Variants in KCNQ1 observed in about 807,000 individuals in gnomAD.
KCNQ1 encodes potassium voltage-gated channel subfamily KQT member 1.
In KCNQ1, 49 loss-of-function variants were observed where a neutral mutation model predicts 72.4. That is an observed-to-expected ratio of 0.68 (90% CI 0.54 to 0.86). The LOEUF (loss-of-function observed/expected upper bound fraction) is 0.86, where lower values mean the gene tolerates loss of function less well. KCNQ1 is among the 40% of genes least tolerant of loss of function. The pLI, the probability that KCNQ1 is intolerant of heterozygous loss-of-function variation, is 0.00. For synonymous variants in KCNQ1, 450 were observed against 412.6 expected, an observed-to-expected ratio of 1.09 and a Z score of -1.10; for missense variants, 790 against 945.1, an observed-to-expected ratio of 0.84 and a Z score of 2.15.
chr11:2,670,280 A>G lies in KCNQ1; in HGVS notation c.1514+8199A>G, dbSNP rs1850157130. 2.5e-6 allele frequency: 1 copy of G among 398,502 alleles called. No individual in the cohort carries two copies. Among genetic ancestry groups the G allele is most frequent in the African/African-American group, 2.1e-5 (1 of 48,606 alleles). 24.7% of individuals were successfully genotyped at this position (398,502 alleles called of 1,614,324 possible). On this transcript the variant is annotated intron_variant, in intron 11 of 15. Transcript: ENST00000155840. The surrounding 1 kb of genome is among the most constrained non-coding windows in gnomAD (Gnocchi z 4.9). ...AAGAGGACCATGGTAGCTTGTCTCT[A>G]GGCAACCCATAGGTGCCCAATGGAG...
chr11:2,469,835 A>G (rs752951183), intron 1 of KCNQ1, among the ~76,000 whole-genome samples: 45 of 150,076 alleles, frequency 3.0e-4, no homozygotes, highest in Non-Finnish European at 5.6e-4. Context: ...CACTGTATCC[A>G]GCTGATTTTT....
At chr11:2,684,202 C>A (rs901179872) in intron 11 of KCNQ1, 25 of 398,508 alleles carry the variant, frequency 6.3e-5, no homozygotes, top group African/African-American at 5.1e-4. Context: ...CAGACTCTGC[C>A]AGGAGACAGG....
In KCNQ1 at chr11:2,447,414, G is replaced by A. The variant is rs1181880670; in HGVS notation, c.386+1930G>A. Among the ~76,000 whole-genome samples the A allele has an allele frequency of 7.9e-5, 12 of 152,186 alleles. No homozygotes were observed. The South Asian group carries it at 1.9e-3, about 24-fold the overall frequency. On this transcript the variant is annotated intron_variant, in intron 1 of 15. Transcript: ENST00000155840. The surrounding 1 kb of genome is among the most constrained non-coding windows in gnomAD (Gnocchi z 7.6). ...CCTTGTAAGACGTGTGCCTGGCCCTGGGAAGTTGTCATGAACAGCCTCCAA... is the reference window on the plus strand; with the variant it reads ...CCTTGTAAGACGTGTGCCTGGCCCTAGGAAGTTGTCATGAACAGCCTCCAA...
chr11:2,517,426 C>T (rs972204900), intron 1 of KCNQ1, among the ~76,000 whole-genome samples: 5 of 152,090 alleles, frequency 3.3e-5, no homozygotes, highest in Non-Finnish European at 7.4e-5. Flanking sequence ...AGCCCTGGGA[C>T]GGGTTGGATT....
At chr11:2,667,429 C>T in intron 11 of KCNQ1, 1 of 398,736 alleles carries the variant, frequency 2.5e-6, no homozygotes, top group Non-Finnish European at 4.4e-6. Flanking sequence ...GAACTCCCAG[C>T]CATGATGCTG....
At chr11:2,553,554 ATTCT>A (rs1408292504) in intron 2 of KCNQ1, among the ~76,000 whole-genome samples, 1 of 152,172 alleles carries the variant, frequency 6.6e-6, no homozygotes, top group Non-Finnish European at 1.5e-5. Context: ...TCTCAATCAA[ATTCT>A]TTCTTAATTT....
Position 2,752,484 on chromosome 11 carries a change from A to G in KCNQ1, c.1515-16360A>G, listed in dbSNP as rs1006385977. 3.3e-5 allele frequency among the ~76,000 whole-genome samples: 5 copies of G among 152,096 alleles called. No individual in the cohort carries two copies. The highest frequency in any genetic ancestry group is 9.7e-5 in the African/African-American group (4 of 41,430). ...CCAAATACCTTAGACCTGGTGATTC[A>G]TACTTAGGAATTCATTGTTCTGGAG... On this transcript the variant is annotated intron_variant, in intron 11 of 15. Coordinates refer to ENST00000155840, the MANE Select transcript of KCNQ1 (RefSeq NM_000218.3). This position sits in a 1 kb window ranked among gnomAD's most constrained non-coding sequence, Gnocchi z 5.2.
At chr11:2,819,515 C>T (rs974599547) in intron 15 of KCNQ1, among the ~76,000 whole-genome samples, 1 of 152,192 alleles carries the variant, frequency 6.6e-6, no homozygotes, top group Non-Finnish European at 1.5e-5. Flanking sequence ...CTGAGGTAAA[C>T]CTTATGTGAT....
chr11:2,621,693 A>G lies in KCNQ1; in HGVS notation c.1393+32839A>G, dbSNP rs2157899. Reference sequence around the variant, plus strand: ...ATATAATTGTTCATAAAAGTCCCTTATGATCCTTTTTATTTCTGAAGTACC... The same window carrying G: ...ATATAATTGTTCATAAAAGTCCCTTGTGATCCTTTTTATTTCTGAAGTACC... On this transcript the variant is annotated intron_variant, in intron 10 of 15. Transcript: ENST00000155840. This position sits in a 1 kb window ranked among gnomAD's most constrained non-coding sequence, Gnocchi z 5.7. 6,612 of 398,364 alleles carry G rather than the reference A, an allele frequency of 0.017. 360 individuals are homozygous for G. Among genetic ancestry groups the G allele is most frequent in the African/African-American group, 0.11 (5,572 of 48,674 alleles). 24.7% of individuals were successfully genotyped at this position (398,364 alleles called of 1,614,324 possible). A position where few individuals can be genotyped will look rare whatever the true frequency, so the allele number is the denominator to read the frequency against.
At chr11:2,833,140 G>T (rs1229052982) in intron 15 of KCNQ1, among the ~76,000 whole-genome samples, 4 of 152,182 alleles carry the variant, frequency 2.6e-5, no homozygotes, top group Admixed American at 1.3e-4. Flanking sequence ...AGAACATGCT[G>T]GGTAGGGGTG....
At chr11:2,540,858 G>A (rs979110118) in intron 2 of KCNQ1, among the ~76,000 whole-genome samples, 11 of 152,242 alleles carry the variant, frequency 7.2e-5, no homozygotes, top group East Asian at 1.9e-4. Context: ...AGTCCTGGGC[G>A]GCTGTGAGCT....
At position 2,653,033 on chromosome 11, in the gene KCNQ1, A is replaced by C; in HGVS notation, c.1394-8928A>C. ...ATCTATTCTGCACACCTTTGATCCA[A>C]TGTGAGATCCAACATGTTCCATAAT... On this transcript the variant is annotated intron_variant, in intron 10 of 15. Coordinates refer to ENST00000155840, the MANE Select transcript of KCNQ1 (RefSeq NM_000218.3). The surrounding 1 kb of genome is among the most constrained non-coding windows in gnomAD (Gnocchi z 5.3). 1 of 398,650 alleles carries C rather than the reference A, an allele frequency of 2.5e-6. No homozygotes were observed. Among genetic ancestry groups the C allele is most frequent in the East Asian group, 3.6e-5 (1 of 28,076 alleles). 24.7% of individuals were successfully genotyped at this position (398,650 alleles called of 1,614,324 possible).
At position 2,713,938 on chromosome 11, in the gene KCNQ1, G is replaced by T. The variant is rs1049798737; in HGVS notation, c.1514+51857G>T. Among the ~76,000 whole-genome samples, 4 of 152,242 alleles carry T rather than the reference G, an allele frequency of 2.6e-5. No homozygotes were observed. Among genetic ancestry groups the T allele is most frequent in the African/African-American group, 9.6e-5 (4 of 41,466 alleles). On this transcript the variant is annotated intron_variant, in intron 11 of 15. Coordinates refer to ENST00000155840, the MANE Select transcript of KCNQ1 (RefSeq NM_000218.3). This position sits in a 1 kb window ranked among gnomAD's most constrained non-coding sequence, Gnocchi z 5.6. ...GCTCACTGCCGCGCCTTTGTTCTCTGCTTCCTGCTCGGTTCCTGCTAACTC... is the reference window on the plus strand; with the variant it reads ...GCTCACTGCCGCGCCTTTGTTCTCTTCTTCCTGCTCGGTTCCTGCTAACTC...
chr11:2,549,845 G>A lies in KCNQ1; in HGVS notation c.478-20783G>A, dbSNP rs1357332904. 6.6e-6 allele frequency among the ~76,000 whole-genome samples: 1 copy of A among 152,102 alleles called. No individual in the cohort carries two copies. The highest frequency in any genetic ancestry group is 1.5e-5 in the Non-Finnish European group (1 of 67,988). On this transcript the variant is annotated intron_variant, in intron 2 of 15. Coordinates refer to ENST00000155840, the MANE Select transcript of KCNQ1 (RefSeq NM_000218.3). The surrounding 1 kb of genome is among the most constrained non-coding windows in gnomAD (Gnocchi z 6.2). ...GGCCCTGGGTGGCGGAGAGACCCCT[G>A]GGCAGGACACCCCTCCCTGGCTTTT...
chr11:2,713,448 A>C lies in KCNQ1; in HGVS notation c.1514+51367A>C, dbSNP rs1391805099. On this transcript the variant is annotated intron_variant, in intron 11 of 15. Coordinates refer to ENST00000155840, the MANE Select transcript of KCNQ1 (RefSeq NM_000218.3). The surrounding 1 kb of genome is among the most constrained non-coding windows in gnomAD (Gnocchi z 5.6). ...AATGGTTTCTTCTCCCCCAGATTCC[A>C]GAACAAGTCACAGCCATTGTAGATT... Among the ~76,000 whole-genome samples the C allele has an allele frequency of 6.6e-6, 1 of 152,256 alleles. No homozygotes were observed. Among genetic ancestry groups the C allele is most frequent in the African/African-American group, 2.4e-5 (1 of 41,470 alleles).
rs1306268945 is a variant in KCNQ1, at chr11:2,682,518, AGGTC to A, written c.1514+20438_1514+20441del. ...AGTGAGTGAGTGAGTACTTGTGCCCAGGTCAAACCAGGTGCTAGGACCCTGGCAG... is the reference window on the plus strand; with the variant it reads ...AGTGAGTGAGTGAGTACTTGTGCCCAAAACCAGGTGCTAGGACCCTGGCAG... On this transcript the variant is annotated intron_variant, in intron 11 of 15. Coordinates refer to ENST00000155840, the MANE Select transcript of KCNQ1 (RefSeq NM_000218.3). The surrounding 1 kb of genome is among the most constrained non-coding windows in gnomAD (Gnocchi z 5.8). 2.7e-6 allele frequency: 1 copy of A among 374,694 alleles called. No individual in the cohort carries two copies. The highest frequency in any genetic ancestry group is 4.6e-6 in the Non-Finnish European group (1 of 218,482). The allele number at this position is 374,694 out of a possible 1,614,324, so 23.2% of individuals were successfully genotyped here.
At chr11:2,528,117 C>T in intron 2 of KCNQ1, 99 bp downstream of exon 2, 1 of 1,024,374 alleles carries the variant, frequency 9.8e-7, no homozygotes, top group Non-Finnish European at 1.5e-6. Context: ...AGAGCCACTC[C>T]CAGCCCCTTG....
In KCNQ1 at chr11:2,653,088, G is replaced by A. The variant is rs960474543; in HGVS notation, c.1394-8873G>A. Reference sequence around the variant, plus strand: ...ATCAAACATCCTCATACAGCAGGGTGTGGAGAGAGGCTCACTGAAGGTTTG... The same window carrying A: ...ATCAAACATCCTCATACAGCAGGGTATGGAGAGAGGCTCACTGAAGGTTTG... On this transcript the variant is annotated intron_variant, in intron 10 of 15. Coordinates refer to ENST00000155840, the MANE Select transcript of KCNQ1 (RefSeq NM_000218.3). This position sits in a 1 kb window ranked among gnomAD's most constrained non-coding sequence, Gnocchi z 5.3. 5.0e-5 allele frequency: 20 copies of A among 398,630 alleles called. No individual in the cohort carries two copies. Among genetic ancestry groups the A allele is most frequent in the African/African-American group, 3.5e-4 (17 of 48,646 alleles). 24.7% of individuals were successfully genotyped at this position (398,630 alleles called of 1,614,324 possible).
rs1554925307 is a variant in KCNQ1, at chr11:2,803,163, C to CCTCG, written c.1794+25127_1794+25128insTCGC. ...CAGAAAACCCAGCCGGGCCCCCCCC[C>CCTCG]CCACGGGCACCCAGGAACCGCCCTG... On this transcript the variant is annotated intron_variant, in intron 15 of 15. Transcript: ENST00000155840. The surrounding 1 kb of genome is among the most constrained non-coding windows in gnomAD (Gnocchi z 6.4). Among the ~76,000 whole-genome samples the CCTCG allele has an allele frequency of 6.6e-6, 1 of 151,658 alleles. No homozygotes were observed. Among genetic ancestry groups the CCTCG allele is most frequent in the African/African-American group, 2.4e-5 (1 of 41,080 alleles).
Sources: gnomAD v4.1 joint callset for allele counts (sites outside exome capture counted in the v4.1 genomes callset) on GRCh38, gnomAD v4.1.1 for gene constraint, Gnocchi (gnomAD v3.1) non-coding constraint, MANE v1.5 for transcripts, NCBI Gene and HGNC (gene_info 2026-07-23, HGNC 2026-07-21) for gene names.